The following WWOX variants were observed in gnomAD, a reference collection of about 807,000 sequenced individuals.
WWOX encodes WW domain-containing oxidoreductase.
In WWOX, 69 loss-of-function variants were observed where a neutral mutation model predicts 46.2. The observed-to-expected ratio is 1.49, with a 90% CI of 1.23 to 1.82. The LOEUF (loss-of-function observed/expected upper bound fraction) is 1.82. Among genes scored for constraint, WWOX ranks in the 40% most tolerant of loss-of-function variants. The probability of loss-of-function intolerance (pLI) is 0.00; values close to 1 mark genes in which losing one functional copy is unlikely to be tolerated. For synonymous variants in WWOX, 359 were observed against 202.6 expected, an observed-to-expected ratio of 1.77 and a Z score of -6.56; for missense variants, 919 against 542.6, an observed-to-expected ratio of 1.69 and a Z score of -6.89.
chr16:78,295,555 AC>A (rs2079931490), intron 5 of WWOX, among the ~76,000 whole-genome samples: 1 of 152,166 alleles, frequency 6.6e-6, no homozygotes, highest in Admixed American at 6.5e-5. Context: ...CTACTAAAAT[AC>A]AAAAATTAGC....
chr16:78,787,321 C>T (rs967457077), intron 8 of WWOX, among the ~76,000 whole-genome samples: 5 of 152,150 alleles, frequency 3.3e-5, no homozygotes, highest in African/African-American at 1.2e-4. Flanking sequence ...AGTGGTCATT[C>T]CCCATTTCCT....
At chr16:79,027,837 AC>A (rs2047676490) in intron 8 of WWOX, among the ~76,000 whole-genome samples, 1 of 151,686 alleles carries the variant, frequency 6.6e-6, no homozygotes, top group African/African-American at 2.4e-5. Context: ...TCTTCTAAAG[AC>A]CCCTGAACAT....
At chr16:78,396,480 T>C (rs1597160668) in intron 6 of WWOX, among the ~76,000 whole-genome samples, 1 of 152,190 alleles carries the variant, frequency 6.6e-6, no homozygotes, top group Admixed American at 6.5e-5. Flanking sequence ...AAGTCATATA[T>C]GTAAATTGAA....
At chr16:78,967,741 G>A (rs1453185551) in intron 8 of WWOX, among the ~76,000 whole-genome samples, 1 of 152,072 alleles carries the variant, frequency 6.6e-6, no homozygotes, top group Non-Finnish European at 1.5e-5. Context: ...CCTGACTTAG[G>A]AGGACTCAGA....
At chr16:78,955,789 G>A (rs1479692763) in intron 8 of WWOX, among the ~76,000 whole-genome samples, 3 of 150,508 alleles carry the variant, frequency 2.0e-5, no homozygotes, top group East Asian at 2.0e-4. Flanking sequence ...CTGGGACTAC[G>A]GTTGTACATC....
At chr16:78,401,889 G>A (rs143638944) in intron 6 of WWOX, among the ~76,000 whole-genome samples, 178 of 152,020 alleles carry the variant, frequency 1.2e-3, no homozygotes, top group African/African-American at 4.0e-3. Flanking sequence ...TAGTAGACAC[G>A]GGGTTTCACC....
At chr16:79,207,066 C>T (rs1336201380) in intron 8 of WWOX, among the ~76,000 whole-genome samples, 1 of 152,120 alleles carries the variant, frequency 6.6e-6, no homozygotes, top group Non-Finnish European at 1.5e-5. Flanking sequence ...TATAGCCTCT[C>T]CTGGGGGAGT....
chr16:78,905,462 G>C (rs531582950), intron 8 of WWOX, among the ~76,000 whole-genome samples: 14 of 152,132 alleles, frequency 9.2e-5, no homozygotes, highest in Non-Finnish European at 1.6e-4. Flanking sequence ...GCTTACTGCA[G>C]ACTCAACCTC....
At chr16:78,883,927 C>A (rs918382305) in intron 8 of WWOX, among the ~76,000 whole-genome samples, 2 of 151,926 alleles carry the variant, frequency 1.3e-5, no homozygotes, top group East Asian at 1.9e-4. Context: ...GTTGGTATAA[C>A]CATTTTGGAA....
chr16:79,098,573 G>A (rs2049123974), intron 8 of WWOX, among the ~76,000 whole-genome samples: 1 of 152,220 alleles, frequency 6.6e-6, no homozygotes, highest in African/African-American at 2.4e-5. Flanking sequence ...CCTGTGTGTT[G>A]AGCAAACTTC....
At position 78,467,279 on chromosome 16, in the gene WWOX, G is replaced by A. The variant is rs949380471; in HGVS notation, c.1056+34527G>A. On this transcript the variant is annotated intron_variant, in intron 8 of 8. Transcript: ENST00000566780. ...CCATGTTAATTAGATATGCATGTAT[G>A]TGTATGTATGATGTATATACCCATA... Among the ~76,000 whole-genome samples, 73 of 152,160 alleles carry A rather than the reference G, an allele frequency of 4.8e-4. 1 individual carries two copies. The highest frequency in any genetic ancestry group is 1.5e-4 in the Non-Finnish European group (10 of 68,034).
intron 8 of WWOX, among the ~76,000 whole-genome samples, chr16:78,781,030 A>G (rs879344723): frequency 7.2e-5 from 11 of 152,168 alleles, no homozygotes; most frequent in Admixed American, 7.2e-4. Context: ...ACCTCTCCAC[A>G]TTTGGAAGAT....
At chr16:78,938,637 G>A (rs1307486633) in intron 8 of WWOX, among the ~76,000 whole-genome samples, 2 of 152,018 alleles carry the variant, frequency 1.3e-5, no homozygotes, top group Non-Finnish European at 2.9e-5. Flanking sequence ...TATTCCACAG[G>A]GATTTATTAT....
intron 8 of WWOX, among the ~76,000 whole-genome samples, chr16:79,108,442 G>C (rs1242386230): frequency 1.3e-5 from 2 of 152,230 alleles, no homozygotes; most frequent in African/African-American, 2.4e-5. Context: ...GGGAGAAAAA[G>C]GTATGGGAGC....
chr16:78,392,880 G>T (rs548635334), intron 6 of WWOX, among the ~76,000 whole-genome samples: 2 of 152,136 alleles, frequency 1.3e-5, no homozygotes, highest in South Asian at 4.2e-4. Flanking sequence ...TTCATTCATT[G>T]ATTCTGTTAT....
At chr16:78,893,863 C>G (rs956020212) in intron 8 of WWOX, among the ~76,000 whole-genome samples, 11 of 152,054 alleles carry the variant, frequency 7.2e-5, no homozygotes, top group African/African-American at 2.7e-4. Context: ...TGTTTTCTAG[C>G]AAGCTAGAAC....
At chr16:79,015,157 C>G (rs1263246541) in intron 8 of WWOX, among the ~76,000 whole-genome samples, 2 of 152,124 alleles carry the variant, frequency 1.3e-5, no homozygotes, top group Non-Finnish European at 2.9e-5. Context: ...GAGTACTTCT[C>G]CTGAGTTTCT....
chr16:78,916,326 C>G (rs1193856256), intron 8 of WWOX, among the ~76,000 whole-genome samples: 1 of 152,142 alleles, frequency 6.6e-6, no homozygotes, highest in African/African-American at 2.4e-5. Flanking sequence ...TTAGATAAAA[C>G]AATAATACCA....
intron 8 of WWOX, among the ~76,000 whole-genome samples, chr16:78,760,373 C>A (rs527584330): frequency 6.6e-6 from 1 of 152,170 alleles, no homozygotes; most frequent in Non-Finnish European, 1.5e-5. Flanking sequence ...GGGGACACAG[C>A]CAAACCATAT....
Sources: gnomAD v4.1 joint callset for allele counts (sites outside exome capture counted in the v4.1 genomes callset) on GRCh38, gnomAD v4.1.1 for gene constraint, MANE v1.5 for transcripts, NCBI Gene and HGNC (gene_info 2026-07-23, HGNC 2026-07-21) for gene names.